Variants in NADK2 observed in about 807,000 individuals in gnomAD.
The protein encoded by NADK2 is NAD kinase domain-containing protein 1, mitochondrial.
A neutral mutation model predicts 62.1 loss-of-function variants in NADK2; 35 were observed. The ratio of observed to expected loss-of-function variants is 0.56; its 90% confidence interval spans 0.43 to 0.75. NADK2 has a LOEUF of 0.75. Ranked by LOEUF, NADK2 falls within the 30% of genes least tolerant of loss-of-function variation. The pLI is 0.00. For synonymous variants in NADK2, 205 were observed against 207.9 expected, an observed-to-expected ratio of 0.99 and a Z score of 0.12; for missense variants, 439 against 561.3, an observed-to-expected ratio of 0.78 and a Z score of 2.20.
At position 36,241,362 on chromosome 5, in the gene NADK2, GGGGC is replaced by G; in HGVS notation, c.300+133_300+136del. The G allele has an allele frequency of 7.5e-7, 1 of 1,338,694 alleles. No individual in the cohort carries two copies. Among genetic ancestry groups the G allele is most frequent in the Non-Finnish European group, 9.6e-7 (1 of 1,045,494 alleles). The allele number at this position is 1,338,694 out of a possible 1,614,324, so 82.9% of individuals were successfully genotyped here. A position where few individuals can be genotyped will look rare whatever the true frequency, so the allele number is the denominator to read the frequency against. ...GCCCAGGGAGAAGCCAGAGGACCTG[GGGGC>G]CGCGAGAGAGGCAGGACCGGCATCT... On this transcript the variant is annotated intron_variant, in intron 1 of 11. Coordinates refer to ENST00000381937, the MANE Select transcript of NADK2 (RefSeq NM_001085411.3). This position sits in a 1 kb window ranked among gnomAD's most constrained non-coding sequence, Gnocchi z 4.9.
chr5:36,206,189 T>A (rs896657372), intron 8 of NADK2, among the ~76,000 whole-genome samples: 2 of 151,788 alleles, frequency 1.3e-5, no homozygotes, highest in Non-Finnish European at 2.9e-5. Context: ...AAATACCTAA[T>A]GTAAATGAGG....
chr5:36,209,055 G>A (rs1478579672), intron 7 of NADK2, among the ~76,000 whole-genome samples: 1 of 152,074 alleles, frequency 6.6e-6, no homozygotes, highest in Non-Finnish European at 1.5e-5. Context: ...TCCAATAAAT[G>A]TCCATTTCCT....
intron 1 of NADK2, among the ~76,000 whole-genome samples, chr5:36,229,094 T>G (rs1024929654): frequency 1.3e-5 from 2 of 152,192 alleles, no homozygotes; most frequent in African/African-American, 4.8e-5. Flanking sequence ...AAATATAATC[T>G]TATGGCTCAA....
chr5:36,234,359 C>T (rs977510174), intron 1 of NADK2, among the ~76,000 whole-genome samples: 13 of 111,634 alleles, frequency 1.2e-4, no homozygotes, highest in Admixed American at 3.7e-4. Context: ...GGCGACAGAG[C>T]GAAACTCCGT....
At chr5:36,198,673 ATAT>A (rs1269946862) in intron 10 of NADK2, among the ~76,000 whole-genome samples, 3 of 149,080 alleles carry the variant, frequency 2.0e-5, no homozygotes, top group Non-Finnish European at 4.5e-5. Context: ...TATTTTATAT[ATAT>A]TATTTTTTAA....
At chr5:36,229,918 C>T (rs1747642785) in intron 1 of NADK2, among the ~76,000 whole-genome samples, 1 of 151,268 alleles carries the variant, frequency 6.6e-6, no homozygotes, top group Non-Finnish European at 1.5e-5. Context: ...AGAGTCACAG[C>T]CGATGCCTCC....
chr5:36,208,567 A>G (rs559694388), intron 7 of NADK2: 1 of 1,171,242 alleles, frequency 8.5e-7, no homozygotes, highest in South Asian at 1.4e-5. Flanking sequence ...AAGATTAGTC[A>G]GTTCATAGAA....
At chr5:36,220,689 A>G (rs2112143629) in intron 4 of NADK2, among the ~76,000 whole-genome samples, 1 of 152,330 alleles carries the variant, frequency 6.6e-6, no homozygotes. Flanking sequence ...ATAGAATAAT[A>G]CCTGCTGAGG....
chr5:36,205,320 A>AAT lies in NADK2; in HGVS notation c.956+1848_956+1849dup, dbSNP rs1746594655. On this transcript the variant is annotated intron_variant, in intron 8 of 11. Transcript: ENST00000381937. The surrounding 1 kb of genome is among the most constrained non-coding windows in gnomAD (Gnocchi z 4.1). ...TGAGTGTTAAGGATTTGCTAAAGAG[A>AAT]ATGACATTTCAAGACTGGATTTTCA... 9.0e-6 allele frequency among the ~76,000 whole-genome samples: 1 copy of AAT among 111,550 alleles called. No homozygotes were observed. The highest frequency in any genetic ancestry group is 2.2e-5 in the Non-Finnish European group (1 of 44,990). The allele number at this position is 111,550 out of a possible 152,430, so 73.2% of individuals were successfully genotyped here.
chr5:36,217,411 CCA>C (rs1315401385), intron 6 of NADK2, among the ~76,000 whole-genome samples: 1 of 152,028 alleles, frequency 6.6e-6, no homozygotes, highest in Non-Finnish European at 1.5e-5. Flanking sequence ...TCATAATCTT[CCA>C]CAGATTAGCT....
At chr5:36,212,002 A>G (rs1746866926) in intron 6 of NADK2, 80 bp from the exon 7 acceptor site, 2 of 1,029,046 alleles carry the variant, frequency 1.9e-6, no homozygotes, top group Admixed American at 2.2e-5. Flanking sequence ...ATAAAACACT[A>G]CAACTTTTAT....
At chr5:36,212,313 G>A (rs1746880459) in intron 6 of NADK2, 2 of 153,550 alleles carry the variant, frequency 1.3e-5, no homozygotes, top group African/African-American at 4.8e-5. Flanking sequence ...GACATGCATG[G>A]CTTGGATGAT....
chr5:36,233,488 T>C (rs1490810012), intron 1 of NADK2, among the ~76,000 whole-genome samples: 1 of 152,204 alleles, frequency 6.6e-6, no homozygotes, highest in Non-Finnish European at 1.5e-5. Context: ...AGGTCCACTC[T>C]ACCTGTTTGG....
rs1016668702 is a variant in NADK2 at position 36,194,522 on chromosome 5, A to G, written c.*622T>C. ...CCCAGAACTGCTGAATTACAGAATG[A>G]AACTCAAATGAAAGCATTCATCTAT... is the stretch of plus-strand genomic sequence containing the variant. On this transcript the variant is annotated 3_prime_UTR_variant, in exon 12 of 12. Transcript: ENST00000381937. 1.3e-5 allele frequency: 2 copies of G among 152,218 alleles called. No individual in the cohort carries two copies. Among genetic ancestry groups the G allele is most frequent in the African/African-American group, 4.8e-5 (2 of 41,466 alleles). The allele number at this position is 152,218 out of a possible 1,614,324, so 9.4% of individuals were successfully genotyped here. A position where few individuals can be genotyped will look rare whatever the true frequency, so the allele number is the denominator to read the frequency against.
At chr5:36,203,929 A>T (rs1179252427) in intron 8 of NADK2, among the ~76,000 whole-genome samples, 1 of 152,068 alleles carries the variant, frequency 6.6e-6, no homozygotes. Context: ...CTCCCTCTCC[A>T]TTTAAAAATT....
chr5:36,225,331 C>T (rs1747441397), intron 4 of NADK2, among the ~76,000 whole-genome samples: 1 of 152,162 alleles, frequency 6.6e-6, no homozygotes, highest in Non-Finnish European at 1.5e-5. Flanking sequence ...GATGCTTCCA[C>T]TTAGACACCA....
intron 3 of NADK2, 113 bp downstream of exon 3, chr5:36,226,362 G>T: frequency 1.4e-6 from 1 of 714,936 alleles, no homozygotes; most frequent in Non-Finnish European, 2.3e-6. Flanking sequence ...CCAAAAATGT[G>T]TTTAATGGTA....
chr5:36,210,507 A>G (rs1313221836), intron 7 of NADK2, among the ~76,000 whole-genome samples: 1 of 152,160 alleles, frequency 6.6e-6, no homozygotes, highest in Non-Finnish European at 1.5e-5. Context: ...AACATCACCT[A>G]TGGAGCATTT....
chr5:36,207,274 T>C lies in NADK2; in HGVS notation c.861-9A>G, dbSNP rs1169138968. On this transcript the variant is annotated splice_polypyrimidine_tract_variant and intron_variant, in intron 7 of 11. Transcript: ENST00000381937. ...TCTCATAGTAGGAAGCCCTGTGAAT[T>C]GAGAATATAAAACTGTTTGCTGAGC... 1 of 1,599,720 alleles carries C rather than the reference T, an allele frequency of 6.3e-7. No individual in the cohort carries two copies. The highest frequency in any genetic ancestry group is 1.3e-5 in the African/African-American group (1 of 74,570).
Sources: allele counts gnomAD v4.1 joint callset (sites outside exome capture counted in the v4.1 genomes callset), GRCh38; gene constraint gnomAD v4.1.1; non-coding constraint Gnocchi (gnomAD v3.1); transcripts MANE v1.5; gene names NCBI Gene and HGNC (gene_info 2026-07-23, HGNC 2026-07-21).